The following KEAP1 variants were observed in gnomAD, a reference collection of about 807,000 sequenced individuals.
The protein encoded by KEAP1 is kelch-like ECH-associated protein 1.
Under a neutral mutation model 59.7 loss-of-function variants are expected in KEAP1, and 26 were observed. The ratio of observed to expected loss-of-function variants is 0.44; its 90% CI spans 0.32 to 0.60. KEAP1 has a LOEUF of 0.60. Among genes scored for constraint, KEAP1 ranks in the 20% least tolerant of loss-of-function variants. The pLI is 0.06. For missense variants in KEAP1, 539 were observed against 871.4 expected (o/e 0.62, Z 4.80); for synonymous variants, 350 against 358.3 (o/e 0.98, Z 0.26).
At position 10,489,266 on chromosome 19, in the gene KEAP1, G is replaced by A. The variant is rs745838001; in HGVS notation, c.1634C>T (p.Thr545Ile). ...ERYDVETETW[T>I]FVAPMKHRRS... is the part of the protein sequence containing the mutation. ...CCGGTGCTTCATGGGGGCTACGAAA[G>A]TCCACGTCTCTGTTTCCACATCGTA... The change falls in exon 5 of 6, where the codon ACT becomes ATT. Residue 545 changes from threonine to isoleucine, a missense_variant. Physicochemically the swap from Thr to Ile is moderately conservative, Grantham distance 89. Transcript: ENST00000171111. The A allele has an allele frequency of 3.1e-6, 5 of 1,613,646 alleles. No individual in the cohort carries two copies. The South Asian group carries it at 5.5e-5, about 18-fold the overall frequency.
chr19:10,489,094 T>TAAAAAAAAAAAAAAAAAAAAA, intron 5 of KEAP1, 98 bp downstream of exon 5: 1 of 424,270 alleles, frequency 2.4e-6, no homozygotes, highest in Non-Finnish European at 3.7e-6. Flanking sequence ...ACCTTGTTTC[T>TAAAAAAAAAAAAAAAAAAAAA]AAAAAAAAAA....
At chr19:10,492,297 C>T (rs1396765396) in intron 2 of KEAP1, 35 bp from the exon 3 acceptor site, 1 of 1,520,540 alleles carries the variant, frequency 6.6e-7, no homozygotes, top group Non-Finnish European at 9.1e-7. Context: ...GCTGACTCTC[C>T]AGTCACCCCC....
rs777523734 is a variant in KEAP1 at position 10,491,961 on chromosome 19, G to T, written c.941C>A (p.Thr314Lys). 6.2e-7 allele frequency: 1 copy of T among 1,614,044 alleles called. No individual in the cohort carries two copies. Among genetic ancestry groups the T allele is most frequent in the Non-Finnish European group, 8.5e-7 (1 of 1,180,024 alleles). Residue 314 changes from threonine (T) to lysine (K), a missense_variant, in exon 3 of 6, where the codon ACG becomes AAG. By Grantham distance (78) the Thr-to-Lys change is moderately conservative. This residue lies in a region of KEAP1 where 61 missense variants were observed against 129.9 expected (regional missense o/e 0.47). Transcript: ENST00000171111. The surrounding 1 kb of genome is among the most constrained non-coding windows in gnomAD (Gnocchi z 5.2). ...IFEELTLHKPTQVMPCRAPKV... is the reference protein window; with the variant it reads ...IFEELTLHKPKQVMPCRAPKV... ...GGGCGCCCGGCAGGGCATCACCTGC[G>T]TGGGCTTGTGCAGGGTGAGCTCCTC...
chr19:10,493,788 C>A (rs961324663), intron 2 of KEAP1, among the ~76,000 whole-genome samples: 16 of 151,488 alleles, frequency 1.1e-4, no homozygotes, highest in African/African-American at 3.6e-4. Context: ...ATCTTGATCT[C>A]CTGACCTCGT....
chr19:10,489,069 G>A (rs1284007024), intron 5 of KEAP1, 123 bp downstream of exon 5: 47 of 843,158 alleles, frequency 5.6e-5, no homozygotes, highest in Non-Finnish European at 3.5e-6. Context: ...CACTCCAGCT[G>A]GGCAACAGAG....
rs2144586788 is a variant in KEAP1 at position 10,489,275 on chromosome 19, T to C, written c.1625A>G (p.Glu542Gly). 6.2e-7 allele frequency: 1 copy of C among 1,613,904 alleles called. No homozygotes were observed. The highest frequency in any genetic ancestry group is 1.1e-5 in the South Asian group (1 of 91,044). The change falls in exon 5 of 6, where the codon GAG becomes GGG. Residue 542 changes from glutamate (E) to glycine (G), a missense_variant. Glu to Gly is a moderately conservative substitution (Grantham distance 98). Around this residue, in one of 4 missense-constraint regions of KEAP1, gnomAD observed 311 missense variants for 425.2 expected, o/e 0.73. Transcript: ENST00000171111. ...NSVERYDVET[E>G]TWTFVAPMKH... The stretch of plus-strand genomic sequence containing the variant: ...CATGGGGGCTACGAAAGTCCACGTC[T>C]CTGTTTCCACATCGTAGCGCTCCAC...
In KEAP1 at chr19:10,499,608, C is replaced by A. The variant is rs140705733; in HGVS notation, c.426G>T (p.Thr142=). Residue 142 remains threonine (T), a synonymous_variant, in exon 2 of 6, where the codon ACG becomes ACT. Transcript: ENST00000171111. This position sits in a 1 kb window ranked among gnomAD's most constrained non-coding sequence, Gnocchi z 6.7. ...ACTTCTCGCCCATGGAGATGGAGGC[C>A]GTGTAGGCGAATTCAATGAGGCGCT... is the stretch of plus-strand genomic sequence containing the variant. ...VMERLIEFAY[T]ASISMGEKCV... 1 of 1,613,934 alleles carries A rather than the reference C, an allele frequency of 6.2e-7. No individual in the cohort carries two copies. Among genetic ancestry groups the A allele is most frequent in the African/African-American group, 1.3e-5 (1 of 74,928 alleles).
rs1359898631 is a variant in KEAP1 at position 10,503,008 on chromosome 19, AC to A, written c.-48+232del. On this transcript the variant is annotated intron_variant, in intron 1 of 5. Coordinates refer to ENST00000171111, the MANE Select transcript of KEAP1 (RefSeq NM_203500.2). This position sits in a 1 kb window ranked among gnomAD's most constrained non-coding sequence, Gnocchi z 4.3. ...GTGGTCCGAGTCGCGGGGAGTCTGA[AC>A]CCCGAGTTCCAGGCCTGCGCGCCCC... 8 of 151,310 alleles carry A rather than the reference AC, an allele frequency of 5.3e-5. No homozygotes were observed. The highest frequency in any genetic ancestry group is 7.4e-5 in the Non-Finnish European group (5 of 67,796). The allele number at this position is 151,310 out of a possible 1,614,324, so 9.4% of individuals were successfully genotyped here.
intron 3 of KEAP1, 42 bp from the exon 4 acceptor site, chr19:10,489,895 C>T (rs753424950): frequency 1.1e-5 from 18 of 1,568,442 alleles, no homozygotes; most frequent in Non-Finnish European, 1.6e-5. Flanking sequence ...GCCATTATAG[C>T]TGACCTTCGT....
At chr19:10,492,475 T>TA (rs1246756711) in intron 2 of KEAP1, 12 of 549,966 alleles carry the variant, frequency 2.2e-5, no homozygotes, top group African/African-American at 2.1e-4. Context: ...TGCCAGCACT[T>TA]TGGGAGGCCG....
At chr19:10,490,008 T>C (rs1015831058) in intron 3 of KEAP1, among the ~76,000 whole-genome samples, 155 bp from the exon 4 acceptor site, 5 of 151,968 alleles carry the variant, frequency 3.3e-5, no homozygotes, top group African/African-American at 1.2e-4. Flanking sequence ...TCCCAGCACT[T>C]TGGGAGGCCG....
chr19:10,487,591 G>C (rs1914509962), intron 5 of KEAP1, among the ~76,000 whole-genome samples: 1 of 152,048 alleles, frequency 6.6e-6, no homozygotes, highest in South Asian at 2.1e-4. Flanking sequence ...GGGAGGCGGA[G>C]GTTGCAGTGA....
At chr19:10,486,978 C>A (rs193301296) in intron 5 of KEAP1, among the ~76,000 whole-genome samples, 160 bp from the exon 6 acceptor site, 2 of 145,654 alleles carry the variant, frequency 1.4e-5, no homozygotes, top group Non-Finnish European at 3.0e-5. Context: ...AGGAGGATTG[C>A]TTGAGGCCAG....
At chr19:10,496,520 G>C (rs1914857219) in intron 2 of KEAP1, among the ~76,000 whole-genome samples, 1 of 150,604 alleles carries the variant, frequency 6.6e-6, no homozygotes, top group Non-Finnish European at 1.5e-5. Context: ...AAAAAAAGGG[G>C]GCTTGGCGTG....
In KEAP1 at chr19:10,489,243, G is replaced by T. The variant is rs375390113; in HGVS notation, c.1657C>A (p.Arg553=). Residue 553 remains arginine (R), a synonymous_variant, in exon 5 of 6, where the codon CGG becomes AGG. Transcript: ENST00000171111. ...ACAGTGATCCCCAGGGCACTTCGCC[G>T]GTGCTTCATGGGGGCTACGAAAGTC... ...TWTFVAPMKH[R]RSALGITVHQ... is the part of the protein sequence containing the mutation. 1 of 1,612,696 alleles carries T rather than the reference G, an allele frequency of 6.2e-7. No homozygotes were observed. Among genetic ancestry groups the T allele is most frequent in the East Asian group, 2.2e-5 (1 of 44,860 alleles).
In KEAP1 at chr19:10,499,926, A is replaced by G. The variant is rs2144630397; in HGVS notation, c.108T>C (p.Thr36=). The change falls in exon 2 of 6, where the codon ACT becomes ACC. Residue 36 remains threonine, a synonymous_variant. Transcript: ENST00000171111. The surrounding 1 kb of genome is among the most constrained non-coding windows in gnomAD (Gnocchi z 6.7). ...AGGGCGTCACCTCCGCCTTGCACTCAGTGGAGGCGTACATCACCGCGTCCC... is the reference window on the plus strand; with the variant it reads ...AGGGCGTCACCTCCGCCTTGCACTCGGTGGAGGCGTACATCACCGCGTCCC... ...GAGDAVMYAS[T]ECKAEVTPSQ... 1 of 1,612,472 alleles carries G rather than the reference A, an allele frequency of 6.2e-7. No homozygotes were observed. The highest frequency in any genetic ancestry group is 8.5e-7 in the Non-Finnish European group (1 of 1,179,248).
At chr19:10,489,402 G>C in intron 4 of KEAP1, 34 bp from the exon 5 acceptor site, 1 of 1,589,628 alleles carries the variant, frequency 6.3e-7, no homozygotes, top group Admixed American at 1.7e-5. Flanking sequence ...GTGACTCTGG[G>C]GGTCTGGCTT....
At chr19:10,500,735 A>C (rs1915015205) in intron 1 of KEAP1, among the ~76,000 whole-genome samples, 2 of 147,004 alleles carry the variant, frequency 1.4e-5, no homozygotes, top group African/African-American at 5.1e-5. Flanking sequence ...GCTGGAGTGC[A>C]ATGGCTCGAT....
intron 2 of KEAP1, chr19:10,492,559 A>C: frequency 9.3e-6 from 3 of 322,750 alleles, no homozygotes; most frequent in South Asian, 7.3e-5. Context: ...CTCTACTAAA[A>C]ATACAAAAAT....
Sources: allele counts gnomAD v4.1 joint callset (sites outside exome capture counted in the v4.1 genomes callset), GRCh38; gene constraint gnomAD v4.1.1; regional missense constraint gnomAD v4.1.1; non-coding constraint Gnocchi (gnomAD v3.1); transcripts MANE v1.5; gene names NCBI Gene and HGNC (gene_info 2026-07-23, HGNC 2026-07-21).